Variants in FNDC3B observed in about 807,000 individuals in gnomAD.
The protein encoded by FNDC3B is fibronectin type III domain-containing protein 3B.
A neutral mutation model predicts 151.5 loss-of-function variants in FNDC3B; 12 were observed. The ratio of observed to expected loss-of-function variants is 0.08; its 90% CI spans 0.05 to 0.13. FNDC3B has a LOEUF of 0.13. Ranked by LOEUF, FNDC3B falls within the 10% of genes least tolerant of loss-of-function variation. The pLI is 1.00. For synonymous variants in FNDC3B, 528 were observed against 549.0 expected, an observed-to-expected ratio of 0.96 and a Z score of 0.54; for missense variants, 1,214 against 1,505.3, an observed-to-expected ratio of 0.81 and a Z score of 3.20.
intron 3 of FNDC3B, among the ~76,000 whole-genome samples, chr3:172,189,923 A>G (rs1383686819): frequency 6.6e-6 from 1 of 152,026 alleles, no homozygotes; most frequent in African/African-American, 2.4e-5. Flanking sequence ...TTCAAAAACC[A>G]GCAACTACCA....
At chr3:172,207,032 G>A (rs1280648664) in intron 3 of FNDC3B, among the ~76,000 whole-genome samples, 1 of 152,060 alleles carries the variant, frequency 6.6e-6, no homozygotes, top group East Asian at 1.9e-4. Context: ...TTTTGGAGGG[G>A]CTACCAAACT....
In FNDC3B at chr3:172,251,454, G is replaced by A. The variant is rs770408033; in HGVS notation, c.703G>A (p.Gly235Arg). The A allele has an allele frequency of 1.5e-5, 24 of 1,613,986 alleles. No individual in the cohort carries two copies. Among genetic ancestry groups the A allele is most frequent in the Middle Eastern group, 1.6e-4 (1 of 6,082 alleles). Reference sequence around the variant, plus strand: ...GAAGGGCCATAGTGGTGGAAGTGGCGGAGGCGGCAGCGGTAGTGGTCCCGG... The same window carrying A: ...GAAGGGCCATAGTGGTGGAAGTGGCAGAGGCGGCAGCGGTAGTGGTCCCGG... Reference protein sequence around the residue: ...YGKGHSGGSGGGGSGSGPGIK... With the variant: ...YGKGHSGGSGRGGSGSGPGIK... Residue 235 changes from glycine to arginine, a missense_variant, in exon 6 of 26, where the codon GGA becomes AGA. Transcript: ENST00000415807.
chr3:172,340,680 G>A (rs1399673306), intron 16 of FNDC3B, among the ~76,000 whole-genome samples: 1 of 152,180 alleles, frequency 6.6e-6, no homozygotes, highest in African/African-American at 2.4e-5. Context: ...GATAAGAACA[G>A]GGAGAAATTC....
rs373927613 is a variant in FNDC3B at position 172,393,107 on chromosome 3, AT to A, written c.3304-4048del. Among the ~76,000 whole-genome samples, 21 of 151,180 alleles carry A rather than the reference AT, an allele frequency of 1.4e-4. 1 individual carries two copies. The highest frequency in any genetic ancestry group is 4.4e-4 in the African/African-American group (18 of 41,244). On this transcript the variant is annotated intron_variant, in intron 25 of 25. Transcript: ENST00000415807. The stretch of plus-strand genomic sequence containing the variant: ...CATGAGCCACCATGCCCAGCCATGA[AT>A]TTTTTTTTAAGACCCAACAGTATGC...
At chr3:172,110,909 G>A (rs2108537876) in intron 1 of FNDC3B, among the ~76,000 whole-genome samples, 1 of 152,094 alleles carries the variant, frequency 6.6e-6, no homozygotes, top group East Asian at 1.9e-4. Flanking sequence ...GACTGGCCTG[G>A]CCAACATGGC....
At chr3:172,221,516 A>G (rs1050554917) in intron 3 of FNDC3B, among the ~76,000 whole-genome samples, 3 of 152,200 alleles carry the variant, frequency 2.0e-5, no homozygotes, top group African/African-American at 4.8e-5. Context: ...ACACTGTGCG[A>G]AGTGGGGCCT....
intron 3 of FNDC3B, among the ~76,000 whole-genome samples, chr3:172,218,077 A>G (rs1726087176): frequency 6.7e-6 from 1 of 149,612 alleles, no homozygotes; most frequent in Admixed American, 6.7e-5. Context: ...ACTGGGCCAG[A>G]CTAGAAATTC....
At chr3:172,099,280 T>C (rs769167401) in intron 1 of FNDC3B, among the ~76,000 whole-genome samples, 9 of 152,196 alleles carry the variant, frequency 5.9e-5, no homozygotes, top group Non-Finnish European at 8.8e-5. Context: ...TTAAAAGTTC[T>C]CTTTATGCTT....
At chr3:172,332,885 G>A (rs1191049580) in intron 13 of FNDC3B, among the ~76,000 whole-genome samples, 3 of 152,232 alleles carry the variant, frequency 2.0e-5, no homozygotes, top group African/African-American at 7.2e-5. Flanking sequence ...AAATTACAGT[G>A]TGATGGAGAT....
At chr3:172,235,311 C>T (rs1727093169) in intron 4 of FNDC3B, among the ~76,000 whole-genome samples, 1 of 152,030 alleles carries the variant, frequency 6.6e-6, no homozygotes, top group Non-Finnish European at 1.5e-5. Context: ...GATTTGCTGC[C>T]TACATTTATA....
intron 6 of FNDC3B, among the ~76,000 whole-genome samples, chr3:172,279,409 T>G (rs763159869): frequency 6.6e-6 from 1 of 152,206 alleles, no homozygotes; most frequent in Non-Finnish European, 1.5e-5. Flanking sequence ...CAGAACCTGT[T>G]TGGAACCTAG....
chr3:172,313,818 C>A (rs1054492726), intron 11 of FNDC3B, among the ~76,000 whole-genome samples: 2 of 152,144 alleles, frequency 1.3e-5, no homozygotes, highest in Admixed American at 6.5e-5. Flanking sequence ...GCAGTAGTAA[C>A]AAGTTCATTC....
intron 3 of FNDC3B, among the ~76,000 whole-genome samples, chr3:172,215,694 AGCCTGGACTCGGG>A (rs1725944006): frequency 6.6e-6 from 1 of 152,234 alleles, no homozygotes; most frequent in South Asian, 2.1e-4. Context: ...ACTGCAGTCC[AGCCTGGACTCGGG>A]GCCAGTGCAG....
intron 2 of FNDC3B, among the ~76,000 whole-genome samples, chr3:172,122,627 G>A (rs529429982): frequency 1.3e-5 from 2 of 152,358 alleles, no homozygotes; most frequent in Admixed American, 6.5e-5. Context: ...TCTGTTGAGA[G>A]GGAATGTGTT....
intron 3 of FNDC3B, among the ~76,000 whole-genome samples, chr3:172,163,331 T>C (rs1373629495): frequency 6.6e-6 from 1 of 151,978 alleles, no homozygotes; most frequent in Non-Finnish European, 1.5e-5. Context: ...ACCCACATCA[T>C]AGAGTAGAAA....
At position 172,399,558 on chromosome 3, in the gene FNDC3B, T is replaced by G. The variant is rs1283131034; in HGVS notation, c.*2083T>G. The G allele has an allele frequency of 3.9e-5, 6 of 152,650 alleles. No individual in the cohort carries two copies. Among genetic ancestry groups the G allele is most frequent in the African/African-American group, 1.2e-4 (5 of 41,462 alleles). The allele number at this position is 152,650 out of a possible 1,614,324, so 9.5% of individuals were successfully genotyped here. A position where few individuals can be genotyped will look rare whatever the true frequency, so the allele number is the denominator to read the frequency against. On this transcript the variant is annotated 3_prime_UTR_variant, in exon 26 of 26. Coordinates refer to ENST00000415807, the MANE Select transcript of FNDC3B (RefSeq NM_022763.4). ...TTTATTATTGACTATAATAATTAGT[T>G]TAATTAGCTTTGCAAACTGATGGCA...
intron 3 of FNDC3B, among the ~76,000 whole-genome samples, chr3:172,210,713 A>C (rs986279380): frequency 2.0e-5 from 3 of 152,216 alleles, no homozygotes; most frequent in Non-Finnish European, 2.9e-5. Flanking sequence ...AGTGCAAAAA[A>C]ATGAAAAGAT....
At position 172,381,101 on chromosome 3, in the gene FNDC3B, C is replaced by G. The variant is rs956402346; in HGVS notation, c.3303+8C>G. On this transcript the variant is annotated splice_region_variant and intron_variant, in intron 25 of 25. Coordinates refer to ENST00000415807, the MANE Select transcript of FNDC3B (RefSeq NM_022763.4). ...GAATCTGAGTACAAACAGGTAAGAACCAGTGTGCATGGCACATGTGCAACT... is the reference window on the plus strand; with the variant it reads ...GAATCTGAGTACAAACAGGTAAGAAGCAGTGTGCATGGCACATGTGCAACT... 6 of 1,612,846 alleles carry G rather than the reference C, an allele frequency of 3.7e-6. No individual in the cohort carries two copies. In the African/African-American group the frequency reaches 4.0e-5, roughly 11 times the overall value.
At chr3:172,306,253 C>T (rs1190996384) in intron 9 of FNDC3B, among the ~76,000 whole-genome samples, 1 of 152,150 alleles carries the variant, frequency 6.6e-6, no homozygotes, top group Non-Finnish European at 1.5e-5. Flanking sequence ...TTTAGAGGAA[C>T]ATGATTGCAG....
Sources: gnomAD v4.1 joint callset for allele counts (sites outside exome capture counted in the v4.1 genomes callset) on GRCh38, gnomAD v4.1.1 for gene constraint, MANE v1.5 for transcripts, NCBI Gene and HGNC (gene_info 2026-07-23, HGNC 2026-07-21) for gene names.